PDGFC: variants seen among roughly 807,000 people sequenced by gnomAD.
PDGFC encodes the protein platelet derived growth factor C.
PDGFC carries 12 observed loss-of-function variants against 35.5 expected under a neutral mutation model. The observed-to-expected ratio is 0.34, with a 90% CI of 0.22 to 0.55. PDGFC has a LOEUF of 0.55. Ranked by LOEUF, PDGFC falls within the 20% of genes least tolerant of loss-of-function variation. The pLI is 0.91. For synonymous variants in PDGFC, 159 were observed against 148.8 expected, an observed-to-expected ratio of 1.07 and a Z score of -0.50; for missense variants, 322 against 412.4, an observed-to-expected ratio of 0.78 and a Z score of 1.90.
chr4:156,869,582 C>T lies in PDGFC; in HGVS notation c.119-19166G>A, dbSNP rs188614916. Among the ~76,000 whole-genome samples, 90 of 152,232 alleles carry T rather than the reference C, an allele frequency of 5.9e-4. No homozygotes were observed. In the East Asian group the frequency reaches 0.015, roughly 25 times the overall value. ...AAACCTCAGTTTTCCAGCCCTTCAA[C>T]GCAAGAGTTTTGTAATTTTTAATCA... is the stretch of plus-strand genomic sequence containing the variant. On this transcript the variant is annotated intron_variant, in intron 1 of 5. Coordinates refer to ENST00000502773, the MANE Select transcript of PDGFC (RefSeq NM_016205.3).
intron 1 of PDGFC, among the ~76,000 whole-genome samples, chr4:156,927,929 G>T (rs1731453050): frequency 6.6e-6 from 1 of 152,124 alleles, no homozygotes; most frequent in Non-Finnish European, 1.5e-5. Flanking sequence ...AGAAAAAGAG[G>T]TTTAATCAGA....
chr4:156,790,356 T>C (rs1387646733), intron 3 of PDGFC, among the ~76,000 whole-genome samples: 1 of 152,142 alleles, frequency 6.6e-6, no homozygotes, highest in East Asian at 1.9e-4. Flanking sequence ...TTTTGTTTAA[T>C]ACAGGAAAGA....
At chr4:156,765,598 A>G (rs746000700) in intron 5 of PDGFC, among the ~76,000 whole-genome samples, 5 of 152,202 alleles carry the variant, frequency 3.3e-5, no homozygotes, top group Non-Finnish European at 7.3e-5. Context: ...AAACAAACAG[A>G]CATAATGTAA....
intron 1 of PDGFC, among the ~76,000 whole-genome samples, chr4:156,894,246 A>C (rs1730579290): frequency 6.6e-6 from 1 of 152,208 alleles, no homozygotes; most frequent in South Asian, 2.1e-4. Context: ...TGGACAGTTC[A>C]AAACCTTTTC....
intron 1 of PDGFC, among the ~76,000 whole-genome samples, chr4:156,887,994 C>A (rs927913678): frequency 1.4e-5 from 2 of 144,036 alleles, no homozygotes; most frequent in Non-Finnish European, 3.0e-5. Flanking sequence ...CAGAGTGAAA[C>A]CCCGTCTTAA....
At chr4:156,913,090 C>T (rs566573354) in intron 1 of PDGFC, among the ~76,000 whole-genome samples, 1 of 151,974 alleles carries the variant, frequency 6.6e-6, no homozygotes, top group Non-Finnish European at 1.5e-5. Flanking sequence ...TCTCTTGTTA[C>T]CCCCTTCTTC....
chr4:156,964,571 GA>G (rs1732422203), intron 1 of PDGFC, among the ~76,000 whole-genome samples: 1 of 151,792 alleles, frequency 6.6e-6, no homozygotes, highest in Admixed American at 6.6e-5. Context: ...CGAAGCAACA[GA>G]TTCTTACCTC....
chr4:156,787,814 T>A (rs933296671), intron 3 of PDGFC, among the ~76,000 whole-genome samples: 2 of 151,974 alleles, frequency 1.3e-5, no homozygotes, highest in African/African-American at 4.8e-5. Flanking sequence ...GTAAGTAGCG[T>A]GAGGAAAGTG....
intron 1 of PDGFC, among the ~76,000 whole-genome samples, chr4:156,946,188 G>A (rs1359299345): frequency 6.6e-6 from 1 of 151,956 alleles, no homozygotes; most frequent in African/African-American, 2.4e-5. Context: ...TGGCAGAGAA[G>A]ATAGAGAGGA....
At chr4:156,923,741 C>T (rs757308152) in intron 1 of PDGFC, among the ~76,000 whole-genome samples, 2 of 151,682 alleles carry the variant, frequency 1.3e-5, no homozygotes, top group Non-Finnish European at 2.9e-5. Flanking sequence ...CACCAAGAGA[C>T]AAAAGATCAT....
intron 1 of PDGFC, among the ~76,000 whole-genome samples, chr4:156,897,216 T>C (rs12506638): frequency 0.61 from 92,736 of 151,802 alleles, 28,517 homozygotes; most frequent in East Asian, 0.7. Flanking sequence ...GTCTCACTTT[T>C]TTAGTAATTT....
chr4:156,891,625 T>C (rs1024126016), intron 1 of PDGFC, among the ~76,000 whole-genome samples: 5 of 152,176 alleles, frequency 3.3e-5, no homozygotes, highest in African/African-American at 1.2e-4. Context: ...GTTTTCCACC[T>C]TGCCAGTAAG....
chr4:156,902,303 T>C (rs1730808080), intron 1 of PDGFC, among the ~76,000 whole-genome samples: 1 of 152,196 alleles, frequency 6.6e-6, no homozygotes, highest in Non-Finnish European at 1.5e-5. Flanking sequence ...TACCCAGATT[T>C]AATGAGTCTT....
At chr4:156,775,435 A>T (rs780671887) in intron 3 of PDGFC, among the ~76,000 whole-genome samples, 1 of 152,198 alleles carries the variant, frequency 6.6e-6, no homozygotes, top group African/African-American at 2.4e-5. Context: ...TACATTATTT[A>T]TTAAATTGTC....
intron 3 of PDGFC, among the ~76,000 whole-genome samples, chr4:156,796,653 C>T (rs1226548683): frequency 1.3e-5 from 2 of 151,958 alleles, no homozygotes; most frequent in African/African-American, 2.4e-5. Flanking sequence ...TTTCTCTGAA[C>T]CTCAGCCAAG....
chr4:156,806,911 G>A (rs899934052), intron 3 of PDGFC, among the ~76,000 whole-genome samples: 1 of 151,726 alleles, frequency 6.6e-6, no homozygotes, highest in South Asian at 2.1e-4. Context: ...ATGTGTTCTG[G>A]GCTCTCACCG....
intron 2 of PDGFC, among the ~76,000 whole-genome samples, chr4:156,812,067 TTAAGA>T (rs1303747520): frequency 1.3e-5 from 2 of 152,016 alleles, no homozygotes; most frequent in African/African-American, 4.8e-5. Flanking sequence ...ACTGTTTTAG[TTAAGA>T]TAAATTTTAA....
intron 1 of PDGFC, among the ~76,000 whole-genome samples, chr4:156,932,802 C>T (rs982055138): frequency 6.6e-6 from 1 of 150,714 alleles, no homozygotes; most frequent in Non-Finnish European, 1.5e-5. Context: ...TGATAAATGA[C>T]GAGTTAATGG....
Position 156,767,974 on chromosome 4 carries a change from AAGGTTC to A in PDGFC, c.714_719del (p.Asn239_Leu240del), listed in dbSNP as rs1459221340. ...TGTATAATCTTACCTCCTCTGTTAG[AAGGTTC>A]AGATCCACCACTATATGGTATAAAA... On this transcript the variant is annotated inframe_deletion, in exon 5 of 6. Coordinates refer to ENST00000502773, the MANE Select transcript of PDGFC (RefSeq NM_016205.3). 5.6e-6 allele frequency: 9 copies of A among 1,604,590 alleles called. No individual in the cohort carries two copies. The highest frequency in any genetic ancestry group is 7.7e-6 in the Non-Finnish European group (9 of 1,171,458).
Sources: gnomAD v4.1 joint callset for allele counts (sites outside exome capture counted in the v4.1 genomes callset) on GRCh38, gnomAD v4.1.1 for gene constraint, MANE v1.5 for transcripts, NCBI Gene and HGNC (gene_info 2026-07-23, HGNC 2026-07-21) for gene names.